FAM149A: variants seen among roughly 807,000 people sequenced by gnomAD.
FAM149A encodes the protein family with sequence similarity 149 member A, also known as protein FAM149A.
FAM149A carries 71 observed loss-of-function variants against 78.2 expected under a neutral mutation model. The ratio of observed to expected loss-of-function variants is 0.91; its 90% CI spans 0.75 to 1.11. FAM149A has a LOEUF of 1.11. Ranked by LOEUF, FAM149A falls within the 50% of genes least tolerant of loss-of-function variation. The probability of loss-of-function intolerance (pLI) is 0.00; values close to 1 mark genes in which losing one functional copy is unlikely to be tolerated. For synonymous variants in FAM149A, 446 were observed against 410.5 expected (o/e 1.09, Z -1.04); for missense variants, 1,036 against 971.0 (o/e 1.07, Z -0.89).
At position 186,149,591 on chromosome 4, in the gene FAM149A, A is replaced by C. The variant is rs1402321795; in HGVS notation, c.678-2A>C. The C allele has an allele frequency of 7.8e-7, 1 of 1,289,874 alleles. No homozygotes were observed. The highest frequency in any genetic ancestry group is 1.5e-5 in the African/African-American group (1 of 65,974). The allele number at this position is 1,289,874 out of a possible 1,614,324, so 79.9% of individuals were successfully genotyped here. A position where few individuals can be genotyped will look rare whatever the true frequency, so the allele number is the denominator to read the frequency against. On this transcript the variant is annotated splice_acceptor_variant, in intron 2 of 13. Coordinates refer to ENST00000389354, the MANE Select transcript of FAM149A (RefSeq NM_001367768.3). LOFTEE classifies it high-confidence loss of function. ...CAAATCCTTGTCATCCTTTTCCTCC[A>C]GCGGAAGCCATACACCCACGGGAGC...
At position 186,172,079 on chromosome 4, in the gene FAM149A, G is replaced by C; in HGVS notation, c.*92G>C. 6.6e-7 allele frequency: 1 copy of C among 1,523,404 alleles called. No homozygotes were observed. Among genetic ancestry groups the C allele is most frequent in the Non-Finnish European group, 8.8e-7 (1 of 1,135,860 alleles). 94.4% of individuals were successfully genotyped at this position (1,523,404 alleles called of 1,614,324 possible). On this transcript the variant is annotated 3_prime_UTR_variant, in exon 14 of 14. Coordinates refer to ENST00000389354, the MANE Select transcript of FAM149A (RefSeq NM_001367768.3). ...AGGAACAAGTGTTATATTTATCTGT[G>C]TGTCTGACAGTGTGAGATGTTAGAC...
At chr4:186,130,291 C>CTATATATATATATATATA (rs1362112901) in intron 1 of FAM149A, 1 of 39,398 alleles carries the variant, frequency 2.5e-5, no homozygotes, top group Non-Finnish European at 4.5e-5. Flanking sequence ...CTCTCTCTCT[C>CTATATATATATATATATA]TCTATATATA....
intron 4 of FAM149A, 81 bp from the exon 5 acceptor site, chr4:186,153,564 A>G: frequency 1.3e-6 from 2 of 1,544,336 alleles, no homozygotes; most frequent in Admixed American, 3.6e-5. Context: ...CTTCAAAATC[A>G]TTGTCTCCTA....
Position 186,157,642 on chromosome 4 carries a change from G to A in FAM149A, c.1498G>A (p.Asp500Asn), listed in dbSNP as rs369514269. Residue 500 changes from aspartate to asparagine, a missense_variant, in exon 8 of 14, where the codon GAT (aspartate) becomes AAT (asparagine). Physicochemically the swap from Asp to Asn is conservative, Grantham distance 23 (BLOSUM62 1). Around this residue, in one of 3 missense-constraint regions of FAM149A, gnomAD observed 716 missense variants for 711.8 expected, o/e 1.01. Coordinates refer to ENST00000389354, the MANE Select transcript of FAM149A (RefSeq NM_001367768.3). ...CGTCCTCGTTCCACACGCTCACGCC[G>A]ATGGAGCCAGTGGCCCCCCGTCCGG... The A allele has an allele frequency of 1.2e-5, 19 of 1,613,966 alleles. No individual in the cohort carries two copies. The highest frequency in any genetic ancestry group is 6.7e-5 in the East Asian group (3 of 44,888).
chr4:186,163,726 C>CT lies in FAM149A; in HGVS notation c.1889+93_1889+94insT, dbSNP rs148226618. 2.1e-3 allele frequency: 1,900 copies of CT among 912,498 alleles called. 29 individuals carry two copies. In the African/African-American group the frequency reaches 0.028, roughly 14 times the overall value. The allele number at this position is 912,498 out of a possible 1,614,324, so 56.5% of individuals were successfully genotyped here. ...TATGGATCATCCTGGACAAAGCATCCCTACCTAGTTTTACATAGATGCTTT... is the reference window on the plus strand; with the variant it reads ...TATGGATCATCCTGGACAAAGCATCCTCTACCTAGTTTTACATAGATGCTTT... On this transcript the variant is annotated intron_variant, in intron 10 of 13. Transcript: ENST00000389354.
At chr4:186,153,535 C>T (rs1733780835) in intron 4 of FAM149A, 110 bp from the exon 5 acceptor site, 5 of 1,505,996 alleles carry the variant, frequency 3.3e-6, no homozygotes, top group South Asian at 2.6e-5. Flanking sequence ...TTCCCATACA[C>T]ATCTTATCAT....
intron 1 of FAM149A, chr4:186,117,855 A>G (rs2099314376): frequency 9.5e-6 from 9 of 950,610 alleles, no homozygotes; most frequent in Non-Finnish European, 1.1e-5. Flanking sequence ...AAAGAAAGAT[A>G]TTGAACTGAC....
At chr4:186,117,847 A>G in intron 1 of FAM149A, 1 of 936,908 alleles carries the variant, frequency 1.1e-6, no homozygotes, top group Non-Finnish European at 1.3e-6. Context: ...CACAGTGAAA[A>G]GAAAGATATT....
At chr4:186,160,855 T>C in intron 8 of FAM149A, 1 of 985,372 alleles carries the variant, frequency 1.0e-6, no homozygotes, top group South Asian at 4.7e-5. Flanking sequence ...CTTGCGTATA[T>C]AGACTACTAG....
At chr4:186,110,204 T>C (rs1477700175) in intron 1 of FAM149A, 12 of 985,306 alleles carry the variant, frequency 1.2e-5, no homozygotes, top group African/African-American at 1.7e-5. Flanking sequence ...TCCACTGTCA[T>C]GGGTTTCTAA....
chr4:186,127,433 G>A, intron 1 of FAM149A: 1 of 985,416 alleles, frequency 1.0e-6, no homozygotes, highest in Non-Finnish European at 1.2e-6. Flanking sequence ...TCTGTCACAG[G>A]AATGCTCAGA....
intron 1 of FAM149A, chr4:186,122,889 C>A: frequency 6.8e-6 from 2 of 294,350 alleles, no homozygotes; most frequent in Non-Finnish European, 5.0e-6. Context: ...CCTAATGTTC[C>A]AAATTTCATA....
intron 8 of FAM149A, 93 bp downstream of exon 8, chr4:186,157,812 T>C (rs1276254659): frequency 3.8e-6 from 6 of 1,564,296 alleles, no homozygotes; most frequent in African/African-American, 1.4e-5. Context: ...ACTGAGATAT[T>C]TGGGGCTGCT....
intron 13 of FAM149A, chr4:186,167,492 A>C: frequency 5.3e-6 from 3 of 567,188 alleles, no homozygotes; most frequent in Non-Finnish European, 6.4e-6. Flanking sequence ...AAAGCTCTCA[A>C]TGAACTGGGG....
Position 186,156,098 on chromosome 4 carries a change from C to T in FAM149A, c.1328C>T (p.Ala443Val). 10 of 1,613,848 alleles carry T rather than the reference C, an allele frequency of 6.2e-6. No individual in the cohort carries two copies. Among genetic ancestry groups the T allele is most frequent in the Non-Finnish European group, 5.9e-6 (7 of 1,179,850 alleles). Residue 443 changes from alanine (A) to valine (V), a missense_variant, in exon 7 of 14, where the codon GCC becomes GTC. Coordinates refer to ENST00000389354, the MANE Select transcript of FAM149A (RefSeq NM_001367768.3). ...TCCCCGCGTGACTGTGTCAAAGATG[C>T]CGTGGCAGCAGAAGTGTTTGATCAC...
At chr4:186,116,570 C>T in intron 1 of FAM149A, 8 of 981,296 alleles carry the variant, frequency 8.2e-6, no homozygotes, top group Non-Finnish European at 9.6e-6. Context: ...TTTAAATTAT[C>T]CTCTTTCTTT....
Position 186,154,519 on chromosome 4 carries a change from C to T in FAM149A, c.1110C>T (p.Ala370=), listed in dbSNP as rs1733875015. Residue 370 remains alanine (A), a synonymous_variant, in exon 6 of 14, where the codon GCC becomes GCT. Coordinates refer to ENST00000389354, the MANE Select transcript of FAM149A (RefSeq NM_001367768.3). ...TCCCAGCAGCACTCTCAGCCTCTGC[C>T]CTGCCAGGCCCTGATGACACAGGGG... The T allele has an allele frequency of 6.2e-7, 1 of 1,614,084 alleles. No individual in the cohort carries two copies. The highest frequency in any genetic ancestry group is 8.5e-7 in the Non-Finnish European group (1 of 1,179,988).
intron 6 of FAM149A, 26 bp downstream of exon 6, chr4:186,154,664 A>C: frequency 1.9e-6 from 3 of 1,589,312 alleles, no homozygotes; most frequent in Non-Finnish European, 2.6e-6. Context: ...TTTGACATTG[A>C]CCTCATAAAA....
chr4:186,161,155 T>C (rs2126521648), intron 8 of FAM149A, among the ~76,000 whole-genome samples: 1 of 152,358 alleles, frequency 6.6e-6, no homozygotes, highest in Admixed American at 6.5e-5. Flanking sequence ...ATGAGATGTG[T>C]TTTGGATCAT....
Sources: gnomAD v4.1 joint callset for allele counts (sites outside exome capture counted in the v4.1 genomes callset) on GRCh38, gnomAD v4.1.1 for gene constraint, gnomAD v4.1.1 regional missense constraint, MANE v1.5 for transcripts, NCBI Gene and HGNC (gene_info 2026-07-23, HGNC 2026-07-21) for gene names.